DMD: variants seen among roughly 807,000 people sequenced by gnomAD.
DMD encodes the protein mutant dystrophin.
DMD carries 63 observed loss-of-function variants against 330.1 expected under a neutral mutation model. That is an observed-to-expected ratio of 0.19 (90% confidence interval 0.16 to 0.24). The LOEUF (loss-of-function observed/expected upper bound fraction) is 0.24. DMD is among the 10% of genes least tolerant of loss of function. The probability of loss-of-function intolerance (pLI) is 1.00; values close to 1 mark genes in which losing one functional copy is unlikely to be tolerated. For synonymous variants in DMD, 1,223 were observed against 959.8 expected (o/e 1.27, Z -5.07); for missense variants, 3,344 against 2,684.1 (o/e 1.25, Z -5.43).
intron 62 of DMD, among the ~76,000 whole-genome samples, chrX:31,284,099 T>C (rs992739201): frequency 8.9e-6 from 1 of 112,302 alleles, no homozygotes; most frequent in Admixed American, 9.5e-5. Context: ...ACACAAAGCC[T>C]ATTTTATACT....
chrX:32,644,062 A>T, intron 11 of DMD, 70 bp downstream of exon 11: 1 of 953,735 alleles, frequency 1.0e-6, no homozygotes, highest in Non-Finnish European at 1.5e-6. Context: ...TAACCATCAA[A>T]CCACATCAAA....
chrX:32,727,641 A>G (rs1370723950), intron 7 of DMD, among the ~76,000 whole-genome samples: 6 of 111,000 alleles, frequency 5.4e-5, no homozygotes, highest in African/African-American at 1.6e-4. Context: ...CTAATTTAGG[A>G]TACATGTTAC....
chrX:31,132,484 T>C, intron 77 of DMD, among the ~76,000 whole-genome samples: 1 of 111,093 alleles, frequency 9.0e-6, no homozygotes, highest in Middle Eastern at 4.6e-3. Flanking sequence ...TCTACTAACC[T>C]CTTGTTTAGA....
chrX:31,576,673 T>G (rs949382022), intron 55 of DMD, among the ~76,000 whole-genome samples: 74 of 111,531 alleles, frequency 6.6e-4, no homozygotes, highest in African/African-American at 2.3e-3. Flanking sequence ...AATTTTACAT[T>G]TACAATTATA....
At chrX:31,133,431 A>G (rs1243961118) in intron 77 of DMD, among the ~76,000 whole-genome samples, 3 of 112,058 alleles carry the variant, frequency 2.7e-5, no homozygotes, top group Non-Finnish European at 5.6e-5. Flanking sequence ...TCTGAAGCTC[A>G]TGCAAGCCAG....
chrX:33,176,934 T>C (rs1603389167), intron 1 of DMD, among the ~76,000 whole-genome samples: 1 of 111,016 alleles, frequency 9.0e-6, no homozygotes, highest in East Asian at 2.8e-4. Flanking sequence ...CAAAACTGTG[T>C]CTCAAAAAAT....
At chrX:32,202,147 G>A (rs751556444) in intron 44 of DMD, among the ~76,000 whole-genome samples, 2 of 111,342 alleles carry the variant, frequency 1.8e-5, no homozygotes, top group South Asian at 7.6e-4. Flanking sequence ...CCCTCTCAAA[G>A]TTTATGCAGG....
intron 55 of DMD, among the ~76,000 whole-genome samples, chrX:31,563,251 G>A (rs2075296745): frequency 9.0e-6 from 1 of 110,701 alleles, no homozygotes; most frequent in Non-Finnish European, 1.9e-5. Flanking sequence ...TTTTAGTAGA[G>A]ACGGGGTTTC....
At chrX:31,395,031 G>A (rs1268797574) in intron 60 of DMD, among the ~76,000 whole-genome samples, 1 of 107,579 alleles carries the variant, frequency 9.3e-6, no homozygotes, top group Non-Finnish European at 1.9e-5. Flanking sequence ...TAACTGCCTG[G>A]TTGTTGTTTC....
intron 44 of DMD, among the ~76,000 whole-genome samples, chrX:32,123,959 C>T (rs771847119): frequency 7.0e-4 from 78 of 111,782 alleles, no homozygotes; most frequent in Non-Finnish European, 1.3e-3. Flanking sequence ...AAACATCTGT[C>T]TTTTGTGAGG....
At chrX:32,866,956 A>C (rs891226366) in intron 2 of DMD, among the ~76,000 whole-genome samples, 1 of 111,031 alleles carries the variant, frequency 9.0e-6, no homozygotes, top group Non-Finnish European at 1.9e-5. Flanking sequence ...GGCCAGTCTC[A>C]AACTCCTGAC....
At chrX:32,126,495 AT>A (rs1381386140) in intron 44 of DMD, among the ~76,000 whole-genome samples, 1 of 112,098 alleles carries the variant, frequency 8.9e-6, no homozygotes, top group Non-Finnish European at 1.9e-5. Context: ...CAGCCATGAG[AT>A]TTAAAACCAA....
intron 44 of DMD, among the ~76,000 whole-genome samples, chrX:31,970,174 T>G (rs1425980791): frequency 1.8e-5 from 2 of 111,171 alleles, no homozygotes; most frequent in Non-Finnish European, 3.8e-5. Context: ...CAGTAAGCAT[T>G]TGCTGAGTGA....
intron 30 of DMD, among the ~76,000 whole-genome samples, chrX:32,400,524 G>A (rs768257565): frequency 1.1e-4 from 12 of 111,367 alleles, no homozygotes; most frequent in African/African-American, 3.6e-4. Flanking sequence ...AATAGTTTCA[G>A]AAGGAATGGT....
At chrX:33,139,957 T>G in intron 1 of DMD, among the ~76,000 whole-genome samples, 1 of 107,594 alleles carries the variant, frequency 9.3e-6, no homozygotes, top group Non-Finnish European at 1.9e-5. Context: ...AAATAAATCC[T>G]TTGGACTCCC....
intron 55 of DMD, among the ~76,000 whole-genome samples, chrX:31,586,561 T>C (rs1603406878): frequency 8.9e-6 from 1 of 112,577 alleles, no homozygotes; most frequent in East Asian, 2.8e-4. Context: ...ATGTTGCCCT[T>C]TAAAAAGCTT....
At chrX:31,304,412 C>G (rs1412724365) in intron 62 of DMD, among the ~76,000 whole-genome samples, 1 of 110,826 alleles carries the variant, frequency 9.0e-6, no homozygotes, top group Non-Finnish European at 1.9e-5. Context: ...ACACAGATTT[C>G]AAAAGCATAG....
chrX:32,797,804 G>A (rs1314480356), intron 7 of DMD, among the ~76,000 whole-genome samples: 1 of 109,054 alleles, frequency 9.2e-6, no homozygotes, highest in Non-Finnish European at 1.9e-5. Context: ...TATTTCACCT[G>A]TAATTAAAAA....
intron 44 of DMD, among the ~76,000 whole-genome samples, chrX:31,983,866 C>T (rs1188455919): frequency 9.0e-6 from 1 of 111,418 alleles, no homozygotes; most frequent in East Asian, 2.8e-4. Flanking sequence ...AGGGTAAAGA[C>T]GAGGAATTGG....
Sources: allele counts gnomAD v4.1 joint callset (sites outside exome capture counted in the v4.1 genomes callset), GRCh38; gene constraint gnomAD v4.1.1; transcripts MANE v1.5; gene names NCBI Gene and HGNC (gene_info 2026-07-23, HGNC 2026-07-21).